Variants in RGMB observed in about 807,000 individuals in gnomAD.
RGMB encodes the protein repulsive guidance molecule BMP co-receptor b.
In RGMB, 16 loss-of-function variants were observed where a neutral mutation model predicts 26.9. The ratio of observed to expected loss-of-function variants is 0.60; its 90% CI spans 0.40 to 0.90. The LOEUF is 0.90. Ranked by LOEUF, RGMB falls within the 40% of genes least tolerant of loss-of-function variation. The pLI, the probability that RGMB is intolerant of heterozygous loss-of-function variation, is 0.00. For synonymous variants in RGMB, 225 were observed against 229.3 expected (o/e 0.98, Z 0.17); for missense variants, 512 against 573.3 (o/e 0.89, Z 1.09).
At position 98,789,398 on chromosome 5, in the gene RGMB, G is replaced by A. The variant is rs533192486; in HGVS notation, c.646-3687G>A. Among the ~76,000 whole-genome samples, 55 of 152,176 alleles carry A rather than the reference G, an allele frequency of 3.6e-4. 1 individual carries two copies. The South Asian group carries it at 0.011, about 31-fold the overall frequency. On this transcript the variant is annotated intron_variant, in intron 2 of 2. Transcript: ENST00000513185. ...CATTTTGCAAGGCTGCTGTGCTTTG[G>A]ATAGATATCTCTGTACCTCTTGGCG...
upstream of RGMB, chr5:98,773,631 G>C (rs565661904): frequency 5.3e-5 from 16 of 299,904 alleles, no homozygotes; most frequent in East Asian, 4.4e-4. Flanking sequence ...GGCAGTGCGG[G>C]ACTGAGATTG....
chr5:98,789,945 T>C (rs909623645), intron 2 of RGMB, among the ~76,000 whole-genome samples: 3 of 152,198 alleles, frequency 2.0e-5, no homozygotes, highest in African/African-American at 7.2e-5. Context: ...TAGCTGGAAA[T>C]ATTAAAAGTT....
At position 98,784,283 on chromosome 5, in the gene RGMB, A is replaced by G. The variant is rs1341319992; in HGVS notation, c.645+4195A>G. On this transcript the variant is annotated intron_variant, in intron 2 of 2. Transcript: ENST00000513185. The stretch of plus-strand genomic sequence containing the variant: ...CATAGTAGCATACCCATCATGCATT[A>G]TGGATAGTCTAAATTCCATACTTAC... Among the ~76,000 whole-genome samples, 86 of 152,208 alleles carry G rather than the reference A, an allele frequency of 5.7e-4. 1 individual carries two copies. Among genetic ancestry groups the G allele is most frequent in the Non-Finnish European group, 2.5e-4 (17 of 68,040 alleles).
At chr5:98,785,132 C>A (rs1361027709) in intron 2 of RGMB, among the ~76,000 whole-genome samples, 3 of 152,148 alleles carry the variant, frequency 2.0e-5, no homozygotes, top group African/African-American at 7.2e-5. Flanking sequence ...AAGGATTTTG[C>A]AGTTACACCT....
At chr5:98,769,444 G>C (rs1434219433), upstream of RGMB, 4 of 152,420 alleles carry the variant, frequency 2.6e-5, no homozygotes, top group Admixed American at 2.6e-4. Flanking sequence ...TCATTCTGGA[G>C]TCGGAGAACT....
chr5:98,774,326 C>T (rs749884105), intron 1 of RGMB, 120 bp downstream of exon 1: 4 of 1,040,488 alleles, frequency 3.8e-6, no homozygotes, highest in African/African-American at 3.4e-5. Context: ...CGGGAAAGGC[C>T]TCCCGAGCCC....
intron 2 of RGMB, 148 bp from the exon 3 acceptor site, chr5:98,792,936 AT>A: frequency 1.8e-6 from 1 of 568,470 alleles, no homozygotes. Context: ...AGTGATATCC[AT>A]TTTTGAGGTG....
rs1747122119 is a variant in RGMB, at chr5:98,796,336, T to TTCCCCCC, written c.*2583_*2584insTCCCCCC. ...TGTCCTCTTTGTTATGCTTGGAAGC[T>TTCCCCCC]CCCCCCCCCCCAACAGTGTGTCGAG... On this transcript the variant is annotated 3_prime_UTR_variant, in exon 3 of 3. Coordinates refer to ENST00000513185, the MANE Select transcript of RGMB (RefSeq NM_001366508.1). 1 of 93,706 alleles carries TTCCCCCC rather than the reference T, an allele frequency of 1.1e-5. No individual in the cohort carries two copies. Among genetic ancestry groups the TTCCCCCC allele is most frequent in the Non-Finnish European group, 2.3e-5 (1 of 42,716 alleles). 5.8% of individuals were successfully genotyped at this position (93,706 alleles called of 1,614,324 possible).
At chr5:98,789,656 A>G (rs1746866555) in intron 2 of RGMB, among the ~76,000 whole-genome samples, 5 of 152,156 alleles carry the variant, frequency 3.3e-5, no homozygotes, top group Admixed American at 2.6e-4. Context: ...AAACATTAAA[A>G]ATGAATGAAG....
In RGMB at chr5:98,774,127, G is replaced by A. The variant is rs1301441415; in HGVS notation, c.57G>A (p.Gln19=). Residue 19 remains glutamine, a synonymous_variant, in exon 1 of 3, where the codon CAG becomes CAA. Transcript: ENST00000513185. Reference sequence around the variant, plus strand: ...CCGCTGCCGCCGCCGAGGTTGAGCAGCGCCGCAGCCCCGGGCTCTGCCCCC... The same window carrying A: ...CCGCTGCCGCCGCCGAGGTTGAGCAACGCCGCAGCCCCGGGCTCTGCCCCC... ...SAAAAAAEVE[Q]RRSPGLCPPP... The A allele has an allele frequency of 6.9e-7, 1 of 1,451,040 alleles. No homozygotes were observed. 89.9% of individuals were successfully genotyped at this position (1,451,040 alleles called of 1,614,324 possible).
At chr5:98,781,466 C>T (rs1218182918) in intron 2 of RGMB, among the ~76,000 whole-genome samples, 1 of 152,076 alleles carries the variant, frequency 6.6e-6, no homozygotes, top group Non-Finnish European at 1.5e-5. Flanking sequence ...TATGTATTTG[C>T]TATAAATTAT....
intron 2 of RGMB, among the ~76,000 whole-genome samples, chr5:98,784,531 T>C (rs896748288): frequency 6.6e-6 from 1 of 152,238 alleles, no homozygotes; most frequent in East Asian, 1.9e-4. Context: ...CAGGGAGTTA[T>C]TGTTCTACAA....
At chr5:98,777,008 C>T (rs993380789) in intron 1 of RGMB, among the ~76,000 whole-genome samples, 2 of 151,838 alleles carry the variant, frequency 1.3e-5, no homozygotes, top group African/African-American at 2.4e-5. Flanking sequence ...ATCGCTTGAA[C>T]CTGGGAGGCG....
upstream of RGMB, among the ~76,000 whole-genome samples, chr5:98,771,363 A>C (rs1979980): frequency 0.49 from 74,091 of 152,034 alleles, 19,109 homozygotes; most frequent in East Asian, 0.68. Context: ...TTTGTACAAT[A>C]TAAAGTCGTT....
chr5:98,779,919 G>A lies in RGMB; in HGVS notation c.476G>A (p.Ser159Asn). The A allele has an allele frequency of 6.2e-7, 1 of 1,613,820 alleles. No homozygotes were observed. The highest frequency in any genetic ancestry group is 1.3e-5 in the African/African-American group (1 of 75,052). ...AGGAGAGGGGACCAGAACCCTCCCA[G>A]TTACCTTTTTTGTGGCTTGTTTGGA... ...EHRRGDQNPPSYLFCGLFGDP... is the reference protein window; with the variant it reads ...EHRRGDQNPPNYLFCGLFGDP... Residue 159 changes from serine (S) to asparagine (N), a missense_variant, in exon 2 of 3, where the codon AGT (serine) becomes AAT (asparagine). Physicochemically the swap from Ser to Asn is conservative, Grantham distance 46. Transcript: ENST00000513185.
At chr5:98,776,360 C>CTTTAT (rs1015384070) in intron 1 of RGMB, among the ~76,000 whole-genome samples, 19 of 152,208 alleles carry the variant, frequency 1.2e-4, no homozygotes, top group Non-Finnish European at 2.8e-4. Flanking sequence ...CCTTTAGTTG[C>CTTTAT]TTTATTTTAT....
At chr5:98,770,490 G>C, upstream of RGMB, 1 of 464,608 alleles carries the variant, frequency 2.2e-6, no homozygotes, top group East Asian at 3.5e-5. Flanking sequence ...GGGATTGCGG[G>C]GGCCCGTTGT....
chr5:98,773,511 T>C (rs1746248252), upstream of RGMB: 1 of 165,078 alleles, frequency 6.1e-6, no homozygotes, highest in African/African-American at 2.4e-5. Flanking sequence ...GGTCCTGCGA[T>C]TGGCAGGCTG....
chr5:98,793,761 CTT>C lies in RGMB; in HGVS notation c.*11_*12del, dbSNP rs1747022723. The C allele has an allele frequency of 6.6e-7, 1 of 1,515,386 alleles. No homozygotes were observed. Among genetic ancestry groups the C allele is most frequent in the Non-Finnish European group, 8.8e-7 (1 of 1,133,374 alleles). The allele number at this position is 1,515,386 out of a possible 1,614,324, so 93.9% of individuals were successfully genotyped here. On this transcript the variant is annotated 3_prime_UTR_variant, in exon 3 of 3. Coordinates refer to ENST00000513185, the MANE Select transcript of RGMB (RefSeq NM_001366508.1). ...CTTATCGTGTTTTTGTAGGGGTTGT[CTT>C]TTGTTTTGGTTTTTTATTTTTTGTC...
Sources: gnomAD v4.1 joint callset for allele counts (sites outside exome capture counted in the v4.1 genomes callset) on GRCh38, gnomAD v4.1.1 for gene constraint, MANE v1.5 for transcripts, NCBI Gene and HGNC (gene_info 2026-07-23, HGNC 2026-07-21) for gene names.